GOLIM4: variants seen among roughly 807,000 people sequenced by gnomAD.
The protein encoded by GOLIM4 is golgi integral membrane protein 4.
GOLIM4 carries 71 observed loss-of-function variants against 107.4 expected under a neutral mutation model. That is an observed-to-expected ratio of 0.66 (90% CI 0.55 to 0.81). GOLIM4 has a LOEUF of 0.81. Among genes scored for constraint, GOLIM4 ranks in the 30% least tolerant of loss-of-function variants. The probability of loss-of-function intolerance (pLI) is 0.00; values close to 1 mark genes in which losing one functional copy is unlikely to be tolerated. For synonymous variants in GOLIM4, 327 were observed against 294.8 expected (o/e 1.11, Z -1.12); for missense variants, 830 against 826.1 (o/e 1.00, Z -0.06).
In GOLIM4 at chr3:168,032,542, A is replaced by G. The variant is rs1187596797; in HGVS notation, c.1154T>C (p.Leu385Pro). The change falls in exon 9 of 16, where the codon CTG becomes CCG. Residue 385 changes from leucine (L) to proline (P), a missense_variant. Leu to Pro is a moderately conservative substitution (Grantham distance 98). Coordinates refer to ENST00000470487, the MANE Select transcript of GOLIM4 (RefSeq NM_014498.5). ...TACCTCAGCACGCGCGTGCCCTTCC[A>G]GGAGGTTGGCTGCTTCTCGTTGCTC... ...QHEQREAANL[L>P]EGHARAEVYP... 1 of 1,613,920 alleles carries G rather than the reference A, an allele frequency of 6.2e-7. No individual in the cohort carries two copies. Among genetic ancestry groups the G allele is most frequent in the East Asian group, 2.2e-5 (1 of 44,886 alleles).
chr3:168,010,292 A>G lies in GOLIM4; in HGVS notation c.2068T>C (p.Ser690Pro). The change falls in exon 16 of 16, where the codon TCA becomes CCA. Residue 690 changes from serine (S) to proline (P), a missense_variant. Ser to Pro is a moderately conservative substitution (Grantham distance 74). Coordinates refer to ENST00000470487, the MANE Select transcript of GOLIM4 (RefSeq NM_014498.5). ...EEDGAAVAEKSHRRAEM is the reference protein window; with the variant it reads ...EEDGAAVAEKPHRRAEM ...CGCTACATTTCAGCTCTTCGATGTGATTTCTCAGCAACTGCAGCCCCGTCT... is the reference window on the plus strand; with the variant it reads ...CGCTACATTTCAGCTCTTCGATGTGGTTTCTCAGCAACTGCAGCCCCGTCT... 1.9e-6 allele frequency: 3 copies of G among 1,612,902 alleles called. No individual in the cohort carries two copies. Among genetic ancestry groups the G allele is most frequent in the Non-Finnish European group, 2.5e-6 (3 of 1,179,488 alleles).
intron 7 of GOLIM4, among the ~76,000 whole-genome samples, chr3:168,037,423 T>C (rs1718720219): frequency 6.6e-6 from 1 of 151,566 alleles, no homozygotes; most frequent in Non-Finnish European, 1.5e-5. Context: ...AAAGGAGTCA[T>C]AGGTTTAAAA....
rs192156705 is a variant in GOLIM4 at position 168,043,966 on chromosome 3, G to C, written c.367-437C>G. On this transcript the variant is annotated intron_variant, in intron 4 of 15. Transcript: ENST00000470487. ...GCCTTTCTGGTAACTCAGTTTAAAA[G>C]AGAGAGAGTAAATGAGACTTTTCCC... Among the ~76,000 whole-genome samples the C allele has an allele frequency of 1.9e-4, 29 of 152,294 alleles. 1 individual carries two copies. In the East Asian group the frequency reaches 5.6e-3, roughly 29 times the overall value.
At position 168,046,924 on chromosome 3, in the gene GOLIM4, AC is replaced by A. The variant is rs778388101; in HGVS notation, c.312+25del. 28 of 1,228,312 alleles carry A rather than the reference AC, an allele frequency of 2.3e-5. No individual in the cohort carries two copies. The South Asian group carries it at 3.1e-4, about 14-fold the overall frequency. 76.1% of individuals were successfully genotyped at this position (1,228,312 alleles called of 1,614,324 possible). A position where few individuals can be genotyped will look rare whatever the true frequency, so the allele number is the denominator to read the frequency against. On this transcript the variant is annotated intron_variant, in intron 3 of 15. Coordinates refer to ENST00000470487, the MANE Select transcript of GOLIM4 (RefSeq NM_014498.5). Reference sequence around the variant, plus strand: ...GAAAACAAATTAAGGAAAACAAACAACCACAACAAAAAAAACAAAACTTACC... The same window carrying A: ...GAAAACAAATTAAGGAAAACAAACAACACAACAAAAAAAACAAAACTTACC...
intron 1 of GOLIM4, among the ~76,000 whole-genome samples, chr3:168,081,238 A>G (rs1327670898): frequency 6.6e-6 from 1 of 152,188 alleles, no homozygotes; most frequent in East Asian, 1.9e-4. Context: ...GTGAAGCTGA[A>G]TTCTCCCCAG....
intron 8 of GOLIM4, among the ~76,000 whole-genome samples, chr3:168,035,489 C>T (rs979036865): frequency 9.2e-5 from 14 of 152,154 alleles, no homozygotes; most frequent in African/African-American, 2.9e-4. Context: ...AAGATCATGT[C>T]CTTTGCAGGG....
intron 1 of GOLIM4, among the ~76,000 whole-genome samples, chr3:168,078,219 TA>T (rs1461361403): frequency 6.6e-6 from 1 of 152,182 alleles, no homozygotes; most frequent in African/African-American, 2.4e-5. Flanking sequence ...AGAACATTGT[TA>T]TTTTAATAAA....
Position 168,027,728 on chromosome 3 carries a change from A to T in GOLIM4, c.1623T>A (p.Asp541Glu). Residue 541 changes from aspartate to glutamate, a missense_variant and splice_region_variant, in exon 12 of 16, where the codon GAT (aspartate) becomes GAA (glutamate). Coordinates refer to ENST00000470487, the MANE Select transcript of GOLIM4 (RefSeq NM_014498.5). ...PREADPESEA[D>E]RAAVEDINPA... The stretch of plus-strand genomic sequence containing the variant: ...CAGGGGCAGAAGAGAGGATACTTAC[A>T]TCTGCCTCAGATTCTGGGTCGGCTT... 1 of 1,566,866 alleles carries T rather than the reference A, an allele frequency of 6.4e-7. No homozygotes were observed. Among genetic ancestry groups the T allele is most frequent in the Non-Finnish European group, 8.8e-7 (1 of 1,137,094 alleles).
At chr3:168,040,365 G>A (rs1298378459) in intron 7 of GOLIM4, among the ~76,000 whole-genome samples, 3 of 152,204 alleles carry the variant, frequency 2.0e-5, no homozygotes, top group Non-Finnish European at 4.4e-5. Flanking sequence ...AGGAGGGTGT[G>A]TAGGCTGGAA....
In GOLIM4 at chr3:168,095,343, G is replaced by T; in HGVS notation, c.-58C>A. On this transcript the variant is annotated 5_prime_UTR_variant, in exon 1 of 16. Coordinates refer to ENST00000470487, the MANE Select transcript of GOLIM4 (RefSeq NM_014498.5). The stretch of plus-strand genomic sequence containing the variant: ...CCGCCGTCTCCTCCCCTTGGTCCGA[G>T]CGAGCGTCTCAGCAGCGGCCGCCGC... 4.0e-6 allele frequency: 6 copies of T among 1,512,434 alleles called. No individual in the cohort carries two copies. Among genetic ancestry groups the T allele is most frequent in the Non-Finnish European group, 5.4e-6 (6 of 1,105,026 alleles). The allele number at this position is 1,512,434 out of a possible 1,614,324, so 93.7% of individuals were successfully genotyped here. A position where few individuals can be genotyped will look rare whatever the true frequency, so the allele number is the denominator to read the frequency against.
In GOLIM4 at chr3:168,009,715, C is replaced by A. The variant is rs1351993041; in HGVS notation, c.*554G>T. On this transcript the variant is annotated 3_prime_UTR_variant, in exon 16 of 16. Transcript: ENST00000470487. ...AAAAGTCTGAAAAACAATGTCTTTACAACAAAAATGGATTTCCAATTGTAT... is the reference window on the plus strand; with the variant it reads ...AAAAGTCTGAAAAACAATGTCTTTAAAACAAAAATGGATTTCCAATTGTAT... 6.6e-6 allele frequency: 1 copy of A among 152,146 alleles called. No homozygotes were observed. Among genetic ancestry groups the A allele is most frequent in the Admixed American group, 6.5e-5 (1 of 15,272 alleles). 9.4% of individuals were successfully genotyped at this position (152,146 alleles called of 1,614,324 possible). A position where few individuals can be genotyped will look rare whatever the true frequency, so the allele number is the denominator to read the frequency against.
At chr3:168,086,162 AT>A (rs1474567133) in intron 1 of GOLIM4, among the ~76,000 whole-genome samples, 1 of 152,108 alleles carries the variant, frequency 6.6e-6, no homozygotes, top group South Asian at 2.1e-4. Flanking sequence ...AATTTAAAAC[AT>A]TTTCTGTCTG....
intron 1 of GOLIM4, among the ~76,000 whole-genome samples, chr3:168,088,944 C>G (rs1049882697): frequency 2.0e-5 from 3 of 152,216 alleles, no homozygotes; most frequent in Non-Finnish European, 4.4e-5. Flanking sequence ...AAGTAATTCT[C>G]TTACACAGCA....
intron 1 of GOLIM4, among the ~76,000 whole-genome samples, chr3:168,070,523 T>C (rs1720782273): frequency 6.6e-6 from 1 of 152,228 alleles, no homozygotes; most frequent in African/African-American, 2.4e-5. Context: ...TGTGGCATCA[T>C]TAAAGTCTCT....
chr3:168,051,282 G>A (rs1719630422), intron 1 of GOLIM4, among the ~76,000 whole-genome samples: 1 of 146,206 alleles, frequency 6.8e-6, no homozygotes, highest in South Asian at 2.2e-4. Flanking sequence ...ATTCAGTCAG[G>A]AAGATAATAC....
At chr3:168,094,907 G>A (rs1722090657) in intron 1 of GOLIM4, among the ~76,000 whole-genome samples, 192 bp downstream of exon 1, 1 of 152,206 alleles carries the variant, frequency 6.6e-6, no homozygotes, top group African/African-American at 2.4e-5. Flanking sequence ...CTGGGAGGAA[G>A]AAGCGGGAGG....
At chr3:168,022,301 G>A (rs1008989089) in intron 14 of GOLIM4, among the ~76,000 whole-genome samples, 1 of 151,552 alleles carries the variant, frequency 6.6e-6, no homozygotes, top group Non-Finnish European at 1.5e-5. Flanking sequence ...GTTAGCTGGG[G>A]CAGCTGCAAG....
At chr3:168,032,433 G>C (rs1363391390) in intron 9 of GOLIM4, 87 bp downstream of exon 9, 3 of 904,172 alleles carry the variant, frequency 3.3e-6, no homozygotes, top group Admixed American at 2.1e-5. Flanking sequence ...TTCTATTTTA[G>C]AGATTGTGAT....
chr3:168,012,988 G>A (rs986943756), intron 14 of GOLIM4, among the ~76,000 whole-genome samples: 5 of 148,820 alleles, frequency 3.4e-5, no homozygotes, highest in African/African-American at 1.3e-4. Flanking sequence ...CAACTAACGA[G>A]CAAAATAACC....
Sources: gnomAD v4.1 joint callset for allele counts (sites outside exome capture counted in the v4.1 genomes callset) on GRCh38, gnomAD v4.1.1 for gene constraint, MANE v1.5 for transcripts, NCBI Gene and HGNC (gene_info 2026-07-23, HGNC 2026-07-21) for gene names.